Variants in RAB3GAP2 observed in about 807,000 individuals in gnomAD.
RAB3GAP2 encodes rab3 GTPase-activating protein non-catalytic subunit.
In RAB3GAP2, 87 loss-of-function variants were observed where a neutral mutation model predicts 185.3. That is an observed-to-expected ratio of 0.47 (90% CI 0.39 to 0.56). The LOEUF is 0.56. Among genes scored for constraint, RAB3GAP2 ranks in the 20% least tolerant of loss-of-function variants. RAB3GAP2 has a pLI of 0.00. For missense variants in RAB3GAP2, 1,492 were observed against 1,638.2 expected (o/e 0.91, Z 1.54); for synonymous variants, 554 against 576.1 (o/e 0.96, Z 0.55).
intron 1 of RAB3GAP2, among the ~76,000 whole-genome samples, chr1:220,256,109 C>A (rs908048363): frequency 6.6e-6 from 1 of 152,128 alleles, no homozygotes; most frequent in African/African-American, 2.4e-5. Context: ...GTTCAACATT[C>A]TTAAAGAAAA....
chr1:220,248,959 G>A (rs1659878133), intron 1 of RAB3GAP2, among the ~76,000 whole-genome samples: 1 of 152,174 alleles, frequency 6.6e-6, no homozygotes, highest in South Asian at 2.1e-4. Context: ...GGCCTCCCCA[G>A]CCAGGCTCAA....
chr1:220,263,000 T>C (rs1448947114), intron 1 of RAB3GAP2, among the ~76,000 whole-genome samples: 1 of 151,934 alleles, frequency 6.6e-6, no homozygotes, highest in Admixed American at 6.6e-5. Flanking sequence ...CCATTTCTAA[T>C]AGGTGTAACA....
rs755786966 is a variant in RAB3GAP2, at chr1:220,158,853, T to A, written c.3261+533A>T. Among the ~76,000 whole-genome samples the A allele has an allele frequency of 6.6e-6, 1 of 152,154 alleles. No homozygotes were observed. The highest frequency in any genetic ancestry group is 1.5e-5 in the Non-Finnish European group (1 of 68,036). On this transcript the variant is annotated intron_variant, in intron 29 of 34. Transcript: ENST00000358951. The surrounding 1 kb of genome is among the most constrained non-coding windows in gnomAD (Gnocchi z 4.3). Reference sequence around the variant, plus strand: ...CATGCATGCACACACACGTACACACTCTAGTCATACAACCATTCTCAAGAA... The same window carrying A: ...CATGCATGCACACACACGTACACACACTAGTCATACAACCATTCTCAAGAA...
At chr1:220,152,946 G>A (rs1456447548) in intron 33 of RAB3GAP2, among the ~76,000 whole-genome samples, 1 of 152,130 alleles carries the variant, frequency 6.6e-6, no homozygotes, top group Non-Finnish European at 1.5e-5. Flanking sequence ...CCATGATGAA[G>A]GAACCTTGTC....
At chr1:220,244,396 A>G (rs908921619) in intron 1 of RAB3GAP2, among the ~76,000 whole-genome samples, 1 of 152,252 alleles carries the variant, frequency 6.6e-6, no homozygotes, top group Admixed American at 6.5e-5. Context: ...CTGCTGAAAG[A>G]AATCACAGAT....
chr1:220,167,855 G>A (rs1363773694), intron 24 of RAB3GAP2, among the ~76,000 whole-genome samples, 180 bp from the exon 25 acceptor site: 1 of 152,018 alleles, frequency 6.6e-6, no homozygotes, highest in Non-Finnish European at 1.5e-5. Context: ...AACTTGTGAG[G>A]GCAACAAGTG....
At chr1:220,188,280 C>T (rs989674096) in intron 17 of RAB3GAP2, among the ~76,000 whole-genome samples, 4 of 151,562 alleles carry the variant, frequency 2.6e-5, no homozygotes, top group African/African-American at 9.7e-5. Flanking sequence ...GCTTAAAAGA[C>T]CTAAAGAAAA....
chr1:220,183,018 C>T (rs988434204), intron 19 of RAB3GAP2, 87 bp from the exon 20 acceptor site: 14 of 1,147,274 alleles, frequency 1.2e-5, no homozygotes, highest in East Asian at 9.9e-5. Flanking sequence ...AAGCAAAAGT[C>T]GACTTTTTAA....
intron 21 of RAB3GAP2, among the ~76,000 whole-genome samples, chr1:220,175,290 G>A (rs1207075911): frequency 1.3e-5 from 2 of 151,742 alleles, no homozygotes; most frequent in East Asian, 1.9e-4. Context: ...GCAGTGGCGC[G>A]ATCTTGGCTC....
chr1:220,236,656 G>A (rs1009161374), intron 1 of RAB3GAP2, among the ~76,000 whole-genome samples: 1 of 151,326 alleles, frequency 6.6e-6, no homozygotes, highest in East Asian at 1.9e-4. Context: ...TAGGCAAGCA[G>A]GTCAAGCACA....
Position 220,212,953 on chromosome 1 carries a change from C to A in RAB3GAP2, c.320G>T (p.Ser107Ile). Reference sequence around the variant, plus strand: ...TTGCATTTCTTCCTTTCCTTTATCACTATATTTCCATTTTGCTGTAAGAAT... The same window carrying A: ...TTGCATTTCTTCCTTTCCTTTATCAATATATTTCCATTTTGCTGTAAGAAT... The part of the protein sequence containing the change: ...AVFLVPKWKY[S>I]DKGKEEMQFA... Residue 107 changes from serine (S) to isoleucine (I), a missense_variant, in exon 4 of 35, where the codon AGT (serine) becomes ATT (isoleucine). Ser to Ile is a moderately radical substitution (Grantham distance 142). Coordinates refer to ENST00000358951, the MANE Select transcript of RAB3GAP2 (RefSeq NM_012414.4). 6.2e-7 allele frequency: 1 copy of A among 1,611,356 alleles called. No homozygotes were observed. The highest frequency in any genetic ancestry group is 8.5e-7 in the Non-Finnish European group (1 of 1,178,010).
At chr1:220,236,087 C>A (rs1032507627) in intron 1 of RAB3GAP2, among the ~76,000 whole-genome samples, 1 of 152,292 alleles carries the variant, frequency 6.6e-6, no homozygotes, top group East Asian at 1.9e-4. Context: ...ATTTATAATA[C>A]TATGAGAGAA....
At chr1:220,267,218 C>T in intron 1 of RAB3GAP2, 1 of 907,242 alleles carries the variant, frequency 1.1e-6, no homozygotes, top group Non-Finnish European at 1.9e-6. Flanking sequence ...ATATAAGTAG[C>T]AGTTCTCTGC....
chr1:220,157,253 TC>T lies in RAB3GAP2; in HGVS notation c.3555+16del. 4 of 1,601,772 alleles carry T rather than the reference TC, an allele frequency of 2.5e-6. No individual in the cohort carries two copies. The highest frequency in any genetic ancestry group is 3.4e-6 in the Non-Finnish European group (4 of 1,169,224). ...CTGCAACTCCAAAATAGCTCTGAAA[TC>T]CTGTGAGGTACTTACCTTACTGTCA... On this transcript the variant is annotated intron_variant, in intron 31 of 34. Coordinates refer to ENST00000358951, the MANE Select transcript of RAB3GAP2 (RefSeq NM_012414.4).
At chr1:220,201,921 C>G (rs1658867653) in intron 9 of RAB3GAP2, among the ~76,000 whole-genome samples, 1 of 152,072 alleles carries the variant, frequency 6.6e-6, no homozygotes, top group Non-Finnish European at 1.5e-5. Flanking sequence ...CGCCTGTAAT[C>G]TCAGCACTTT....
In RAB3GAP2 at chr1:220,153,968, CTGT is replaced by C; in HGVS notation, c.3642_3644del (p.Gln1215del). 1 of 1,613,162 alleles carries C rather than the reference CTGT, an allele frequency of 6.2e-7. No homozygotes were observed. ...ACAAAATCCAATAGCTATAATTTACCTGTTGTCGTACAGAAATAAAATTTGGAT... is the reference window on the plus strand; with the variant it reads ...ACAAAATCCAATAGCTATAATTTACCTGTCGTACAGAAATAAAATTTGGAT... On this transcript the variant is annotated inframe_deletion and splice_region_variant, in exon 32 of 35. Transcript: ENST00000358951.
intron 17 of RAB3GAP2, among the ~76,000 whole-genome samples, chr1:220,188,611 T>C (rs933638454): frequency 6.6e-6 from 1 of 152,186 alleles, no homozygotes; most frequent in Non-Finnish European, 1.5e-5. Context: ...TATAAATTAG[T>C]ACAACTATTT....
intron 2 of RAB3GAP2, among the ~76,000 whole-genome samples, chr1:220,220,849 C>T (rs1184658884): frequency 6.6e-6 from 1 of 152,216 alleles, no homozygotes; most frequent in African/African-American, 2.4e-5. Context: ...GATTGTGAGG[C>T]CTCCCCAGCC....
chr1:220,182,172 C>A (rs1176229934), intron 21 of RAB3GAP2, 85 bp downstream of exon 21: 9 of 1,587,034 alleles, frequency 5.7e-6, no homozygotes, highest in Non-Finnish European at 6.8e-6. Context: ...TCCTAAAAGA[C>A]AATAGTTAAA....
Sources: gnomAD v4.1 joint callset for allele counts (sites outside exome capture counted in the v4.1 genomes callset) on GRCh38, gnomAD v4.1.1 for gene constraint, Gnocchi (gnomAD v3.1) non-coding constraint, MANE v1.5 for transcripts, NCBI Gene and HGNC (gene_info 2026-07-23, HGNC 2026-07-21) for gene names.